Variants in KAZALD1 observed in about 807,000 individuals in gnomAD.
KAZALD1 encodes the protein kazal-type serine protease inhibitor domain-containing protein 1.
In KAZALD1, 31 loss-of-function variants were observed where a neutral mutation model predicts 27.7. That is an observed-to-expected ratio of 1.12 (90% CI 0.84 to 1.51). The LOEUF (loss-of-function observed/expected upper bound fraction) is 1.51, where lower values mean the gene tolerates loss of function less well. Ranked by LOEUF, KAZALD1 falls within the 40% of genes most tolerant of loss-of-function variation. The pLI is 0.00. For synonymous variants in KAZALD1, 179 were observed against 182.0 expected (o/e 0.98, Z 0.13); for missense variants, 444 against 408.9 (o/e 1.09, Z -0.74).
chr10:101,064,728 GT>G (rs1420816463), intron 4 of KAZALD1, 80 bp downstream of exon 4: 7 of 1,604,926 alleles, frequency 4.4e-6, no homozygotes, highest in African/African-American at 4.0e-5. Context: ...CAGACCATGT[GT>G]CTGTATACAC....
downstream of KAZALD1, chr10:101,068,121 A>C (rs1939373417): frequency 2.3e-6 from 1 of 427,220 alleles, no homozygotes; most frequent in Non-Finnish European, 4.9e-6. Context: ...AATAAAAAAA[A>C]GATGCTTCAA....
Position 101,064,818 on chromosome 10 carries a change from G to A in KAZALD1, c.821-8G>A. On this transcript the variant is annotated splice_region_variant and splice_polypyrimidine_tract_variant and intron_variant, in intron 4 of 4. Transcript: ENST00000370200. Reference sequence around the variant, plus strand: ...TGTTCTCTCTTCTTTGCCCATGTGTGTTTGCAGACCAGCTGAACTCTACAG... The same window carrying A: ...TGTTCTCTCTTCTTTGCCCATGTGTATTTGCAGACCAGCTGAACTCTACAG... 6.2e-7 allele frequency: 1 copy of A among 1,613,936 alleles called. No homozygotes were observed. Among genetic ancestry groups the A allele is most frequent in the Non-Finnish European group, 8.5e-7 (1 of 1,179,804 alleles).
rs565835720 is a variant in KAZALD1, at chr10:101,066,943, C to T, written c.*2023C>T. ...CCGCCCCCTCCCTCCCCGCACCCCG[C>T]CTCTGCTGCAGCGGACCCGCTTTAA... On this transcript the variant is annotated 3_prime_UTR_variant, in exon 5 of 5. Transcript: ENST00000370200. The T allele has an allele frequency of 9.5e-6, 3 of 315,934 alleles. No individual in the cohort carries two copies. The Admixed American group carries it at 1.4e-4, about 15-fold the overall frequency. 19.6% of individuals were successfully genotyped at this position (315,934 alleles called of 1,614,324 possible). A position where few individuals can be genotyped will look rare whatever the true frequency, so the allele number is the denominator to read the frequency against.
In KAZALD1 at chr10:101,062,517, C is replaced by T. The variant is rs890321114; in HGVS notation, c.-51-25C>T. On this transcript the variant is annotated intron_variant, in intron 1 of 4. Coordinates refer to ENST00000370200, the MANE Select transcript of KAZALD1 (RefSeq NM_030929.5). ...CGGCACAGGCCCTGTTTCTGACCTCCTGACCTGGCTTCCCTTCCTGGCAGG... is the reference window on the plus strand; with the variant it reads ...CGGCACAGGCCCTGTTTCTGACCTCTTGACCTGGCTTCCCTTCCTGGCAGG... 8 of 1,528,760 alleles carry T rather than the reference C, an allele frequency of 5.2e-6. No homozygotes were observed. The Admixed American group carries it at 9.7e-5, about 18-fold the overall frequency. 94.7% of individuals were successfully genotyped at this position (1,528,760 alleles called of 1,614,324 possible).
chr10:101,065,067 A>G lies in KAZALD1; in HGVS notation c.*147A>G, dbSNP rs1939285954. ...GATCATGGGAGGCCTATTTGACTCC[A>G]AGGTAGCAGTGTGGTAGGATAGAGA... On this transcript the variant is annotated 3_prime_UTR_variant, in exon 5 of 5. Coordinates refer to ENST00000370200, the MANE Select transcript of KAZALD1 (RefSeq NM_030929.5). 2 of 637,180 alleles carry G rather than the reference A, an allele frequency of 3.1e-6. No individual in the cohort carries two copies. The highest frequency in any genetic ancestry group is 1.8e-5 in the African/African-American group (1 of 54,876). The allele number at this position is 637,180 out of a possible 1,614,324, so 39.5% of individuals were successfully genotyped here. A position where few individuals can be genotyped will look rare whatever the true frequency, so the allele number is the denominator to read the frequency against.
rs1279801060 is a variant in KAZALD1, at chr10:101,066,919, C to A, written c.*1999C>A. 12 of 316,908 alleles carry A rather than the reference C, an allele frequency of 3.8e-5. No individual in the cohort carries two copies. The highest frequency in any genetic ancestry group is 5.6e-5 in the Non-Finnish European group (9 of 161,984). 19.6% of individuals were successfully genotyped at this position (316,908 alleles called of 1,614,324 possible). A position where few individuals can be genotyped will look rare whatever the true frequency, so the allele number is the denominator to read the frequency against. On this transcript the variant is annotated 3_prime_UTR_variant, in exon 5 of 5. Transcript: ENST00000370200. ...CTGGAATGGGAGAACTGTTGTCCAC[C>A]GCCCCCTCCCTCCCCGCACCCCGCC...
Position 101,064,633 on chromosome 10 carries a change from A to C in KAZALD1, c.805A>C (p.Thr269Pro), listed in dbSNP as rs1564657532. 3.1e-6 allele frequency: 5 copies of C among 1,613,622 alleles called. No individual in the cohort carries two copies. In the South Asian group the frequency reaches 5.5e-5, roughly 18 times the overall value. Residue 269 changes from threonine to proline, a missense_variant, in exon 4 of 5, where the codon ACA becomes CCA. Coordinates refer to ENST00000370200, the MANE Select transcript of KAZALD1 (RefSeq NM_030929.5). Reference protein sequence around the residue: ...LGQVEAPASLTVLTPDQLNST... With the variant: ...LGQVEAPASLPVLTPDQLNST... The stretch of plus-strand genomic sequence containing the variant: ...TCAAGTGGAGGCCCCTGCTAGCTTG[A>C]CAGTGCTCACACCTGGTAAGGGGAT...
At chr10:101,062,465 G>A in intron 1 of KAZALD1, 77 bp from the exon 2 acceptor site, 1 of 1,399,922 alleles carries the variant, frequency 7.1e-7, no homozygotes, top group South Asian at 1.4e-5. Flanking sequence ...TCATGCTTTG[G>A]TACAAGAAGC....
Position 101,066,833 on chromosome 10 carries a change from GAGCAGCCTCCT to G in KAZALD1, c.*1923_*1933del, listed in dbSNP as rs1350017550. On this transcript the variant is annotated 3_prime_UTR_variant, in exon 5 of 5. Transcript: ENST00000370200. Reference sequence around the variant, plus strand: ...GTTAGCCGACTTTGTAGGTGTTCAGGAGCAGCCTCCTAGCAGCCTCAGTTTTCCCCTCCCCG... The same window carrying G: ...GTTAGCCGACTTTGTAGGTGTTCAGGAGCAGCCTCAGTTTTCCCCTCCCCG... 6.8e-5 allele frequency: 22 copies of G among 325,114 alleles called. No individual in the cohort carries two copies. The highest frequency in any genetic ancestry group is 1.3e-4 in the Non-Finnish European group (21 of 166,982). The allele number at this position is 325,114 out of a possible 1,614,324, so 20.1% of individuals were successfully genotyped here.
chr10:101,064,076 T>C, intron 2 of KAZALD1, 185 bp from the exon 3 acceptor site: 1 of 635,550 alleles, frequency 1.6e-6, no homozygotes, highest in East Asian at 2.7e-5. Flanking sequence ...TACCCTTGTG[T>C]GTACCAGCAT....
At chr10:101,064,229 GCT>G in intron 2 of KAZALD1, 30 bp from the exon 3 acceptor site, 1 of 1,612,608 alleles carries the variant, frequency 6.2e-7, no homozygotes, top group Non-Finnish European at 8.5e-7. Flanking sequence ...GCTGGGCCAT[GCT>G]ATTCTCAGAC....
chr10:101,068,020 C>T (rs1213893849), downstream of KAZALD1: 1 of 471,616 alleles, frequency 2.1e-6, no homozygotes, highest in African/African-American at 2.0e-5. Flanking sequence ...CAGGAAGTAG[C>T]GAAGGAGTGC....
At chr10:101,067,985 C>G (rs770880560), downstream of KAZALD1, 3 of 466,948 alleles carry the variant, frequency 6.4e-6, no homozygotes, top group South Asian at 4.6e-5. Flanking sequence ...CGGAAAGAGG[C>G]GACATCTCTG....
chr10:101,062,547 C>A lies in KAZALD1; in HGVS notation c.-46C>A, dbSNP rs746980250. 1 of 1,556,912 alleles carries A rather than the reference C, an allele frequency of 6.4e-7. No individual in the cohort carries two copies. Among genetic ancestry groups the A allele is most frequent in the Non-Finnish European group, 8.6e-7 (1 of 1,162,040 alleles). ...CTGGCTTCCCTTCCTGGCAGGGTGCCCGAACGCGCTGATGCCCCGAGTGCT... is the reference window on the plus strand; with the variant it reads ...CTGGCTTCCCTTCCTGGCAGGGTGCACGAACGCGCTGATGCCCCGAGTGCT... On this transcript the variant is annotated 5_prime_UTR_variant, in exon 2 of 5. Transcript: ENST00000370200.
At position 101,065,809 on chromosome 10, in the gene KAZALD1, T is replaced by C. The variant is rs807036; in HGVS notation, c.*889T>C. On this transcript the variant is annotated 3_prime_UTR_variant, in exon 5 of 5. Coordinates refer to ENST00000370200, the MANE Select transcript of KAZALD1 (RefSeq NM_030929.5). ...AGTTATCTTCCCCGTCTGCCCTCCA[T>C]TGGGGCTGATATACATTATCTGCTT... is the stretch of plus-strand genomic sequence containing the variant. Among the ~76,000 whole-genome samples the C allele has an allele frequency of 0.16, 24,858 of 152,268 alleles. 2,246 individuals are homozygous for C. The highest frequency in any genetic ancestry group is 0.23 in the African/African-American group (9,618 of 41,540).
In KAZALD1 at chr10:101,066,930, T is replaced by TCCCCGCA. The variant is rs1939339226; in HGVS notation, c.*2017_*2023dup. 1 of 314,964 alleles carries TCCCCGCA rather than the reference T, an allele frequency of 3.2e-6. No homozygotes were observed. Among genetic ancestry groups the TCCCCGCA allele is most frequent in the African/African-American group, 2.2e-5 (1 of 45,508 alleles). The allele number at this position is 314,964 out of a possible 1,614,324, so 19.5% of individuals were successfully genotyped here. On this transcript the variant is annotated 3_prime_UTR_variant, in exon 5 of 5. Transcript: ENST00000370200. ...GAACTGTTGTCCACCGCCCCCTCCCTCCCCGCACCCCGCCTCTGCTGCAGC... is the reference window on the plus strand; with the variant it reads ...GAACTGTTGTCCACCGCCCCCTCCCTCCCCGCACCCCGCACCCCGCCTCTGCTGCAGC...
In KAZALD1 at chr10:101,066,364, GC is replaced by G. The variant is rs1388107322; in HGVS notation, c.*1448del. The G allele has an allele frequency of 2.2e-6, 1 of 456,234 alleles. No individual in the cohort carries two copies. The highest frequency in any genetic ancestry group is 2.3e-5 in the Admixed American group (1 of 42,558). 28.3% of individuals were successfully genotyped at this position (456,234 alleles called of 1,614,324 possible). ...CTCCAACCCCAGGTCCTGCTTGGCC[GC>G]CCCTCCCGCGGCTACGCACTACTCC... On this transcript the variant is annotated 3_prime_UTR_variant, in exon 5 of 5. Coordinates refer to ENST00000370200, the MANE Select transcript of KAZALD1 (RefSeq NM_030929.5).
rs1939274509 is a variant in KAZALD1 at position 101,064,768 on chromosome 10, G to A, written c.821-58G>A. 1.8e-5 allele frequency: 29 copies of A among 1,598,738 alleles called. 1 individual carries two copies. The South Asian group carries it at 3.1e-4, about 17-fold the overall frequency. ...CATAGCCTTCCGCAGACTGGGCTAT[G>A]TGGGCACCGACAGCCCCTCTCTCCT... On this transcript the variant is annotated intron_variant, in intron 4 of 4. Coordinates refer to ENST00000370200, the MANE Select transcript of KAZALD1 (RefSeq NM_030929.5).
Position 101,062,968 on chromosome 10 carries a change from T to G in KAZALD1, c.376T>G (p.Cys126Gly). ...CCGCGGAGAGGTGCCGGAACCTCTG[T>G]GTGCCTGTCGTTCGCAGAGTCCGCT... Reference protein sequence around the residue: ...LSRGEVPEPLCACRSQSPLCG... With the variant: ...LSRGEVPEPLGACRSQSPLCG... The change falls in exon 2 of 5, where the codon TGT (cysteine) becomes GGT (glycine). Residue 126 changes from cysteine (C) to glycine (G), a missense_variant. By Grantham distance (159) the Cys-to-Gly change is radical. Coordinates refer to ENST00000370200, the MANE Select transcript of KAZALD1 (RefSeq NM_030929.5). 1 of 1,601,862 alleles carries G rather than the reference T, an allele frequency of 6.2e-7. No homozygotes were observed. The highest frequency in any genetic ancestry group is 8.5e-7 in the Non-Finnish European group (1 of 1,179,454).
Sources: gnomAD v4.1 joint callset for allele counts (sites outside exome capture counted in the v4.1 genomes callset) on GRCh38, gnomAD v4.1.1 for gene constraint, MANE v1.5 for transcripts, NCBI Gene and HGNC (gene_info 2026-07-23, HGNC 2026-07-21) for gene names.